The following PTGR2 variants were observed in gnomAD, a reference collection of about 807,000 sequenced individuals.
PTGR2 encodes the protein 15-oxoprostaglandin 13-reductase.
Under a neutral mutation model 43.4 loss-of-function variants are expected in PTGR2, and 32 were observed. The observed-to-expected ratio is 0.74, with a 90% CI of 0.56 to 0.99. The LOEUF is 0.99. PTGR2 is among the 50% of genes least tolerant of loss of function. The pLI, the probability that PTGR2 is intolerant of heterozygous loss-of-function variation, is 0.00. For synonymous variants in PTGR2, 106 were observed against 139.2 expected (o/e 0.76, Z 1.68); for missense variants, 373 against 420.0 (o/e 0.89, Z 0.98).
intron 3 of PTGR2, among the ~76,000 whole-genome samples, chr14:73,862,920 T>C (rs1046824747): frequency 6.6e-6 from 1 of 151,906 alleles, no homozygotes; most frequent in Admixed American, 6.6e-5. Context: ...GTTGCCCAGG[T>C]TGGTCTTGAA....
In PTGR2 at chr14:73,860,548, G is replaced by A. The variant is rs1281970978; in HGVS notation, c.47G>A (p.Gly16Asp). Residue 16 changes from glycine to aspartate, a missense_variant, in exon 3 of 10, where the codon GGT (glycine) becomes GAT (aspartate). By Grantham distance (94) the Gly-to-Asp change is moderately conservative. Transcript: ENST00000555661. ...TTGCATAATATTTTAGGAAAAAATGGTAATCCAGTGGCAGAGAATTTCCGA... is the reference window on the plus strand; with the variant it reads ...TTGCATAATATTTTAGGAAAAAATGATAATCCAGTGGCAGAGAATTTCCGA... The part of the protein sequence containing the change: ...VVLNSRPGKN[G>D]NPVAENFRME... 1 of 1,533,642 alleles carries A rather than the reference G, an allele frequency of 6.5e-7. No individual in the cohort carries two copies. The highest frequency in any genetic ancestry group is 8.9e-7 in the Non-Finnish European group (1 of 1,120,456).
chr14:73,855,644 C>A (rs2054328153), intron 1 of PTGR2, among the ~76,000 whole-genome samples: 1 of 151,080 alleles, frequency 6.6e-6, no homozygotes, highest in African/African-American at 2.4e-5. Context: ...CAGGGTTTCA[C>A]CATGTTGGTC....
intron 4 of PTGR2, among the ~76,000 whole-genome samples, chr14:73,876,116 GC>G (rs1366717219): frequency 6.6e-6 from 1 of 152,030 alleles, no homozygotes; most frequent in Non-Finnish European, 1.5e-5. Context: ...ACCGCACCCG[GC>G]CTTAAAGTTT....
At chr14:73,874,517 C>G in intron 4 of PTGR2, 1 of 488,816 alleles carries the variant, frequency 2.0e-6, no homozygotes, top group Non-Finnish European at 4.0e-6. Context: ...GAATAGGAGA[C>G]TCAAAGGAGG....
At chr14:73,880,921 C>T (rs767003297) in intron 7 of PTGR2, among the ~76,000 whole-genome samples, 8 of 152,240 alleles carry the variant, frequency 5.3e-5, no homozygotes, top group South Asian at 2.1e-4. Context: ...CTCAGCCTCC[C>T]GAGTAGCTGG....
At chr14:73,871,288 A>G (rs1056741876) in intron 3 of PTGR2, among the ~76,000 whole-genome samples, 9 of 147,288 alleles carry the variant, frequency 6.1e-5, no homozygotes, top group African/African-American at 1.0e-4. Flanking sequence ...TGGAAACTCC[A>G]CGCCTTTTCC....
chr14:73,873,754 G>C (rs1950558602), intron 3 of PTGR2, among the ~76,000 whole-genome samples: 2 of 152,018 alleles, frequency 1.3e-5, no homozygotes, highest in Admixed American at 6.6e-5. Flanking sequence ...CTGAGCCACC[G>C]TTCCCAGCCA....
chr14:73,874,638 A>G (rs1020059638), intron 4 of PTGR2: 33 of 455,376 alleles, frequency 7.2e-5, no homozygotes, highest in Non-Finnish European at 1.0e-4. Context: ...GGCTCAAGCA[A>G]TCCTCCCACC....
Position 73,879,146 on chromosome 14 carries a change from T to G in PTGR2, c.570T>G (p.His190Gln). ...CSRVVGICGT[H>Q]EKCILLTSEL... ...GAGTGGTGGGAATTTGTGGAACACA[T>G]GAGAAATGCATCCTCTTGACCTCAG... Residue 190 changes from histidine (H) to glutamine (Q), a missense_variant, in exon 6 of 10, where the codon CAT becomes CAG. His to Gln is a conservative substitution (Grantham distance 24). Coordinates refer to ENST00000555661, the MANE Select transcript of PTGR2 (RefSeq NM_001146154.2). 6.2e-7 allele frequency: 1 copy of G among 1,614,142 alleles called. No individual in the cohort carries two copies. The highest frequency in any genetic ancestry group is 8.5e-7 in the Non-Finnish European group (1 of 1,180,012).
intron 3 of PTGR2, among the ~76,000 whole-genome samples, chr14:73,873,755 T>G (rs2054791358): frequency 1.3e-5 from 2 of 152,140 alleles, no homozygotes; most frequent in Admixed American, 6.6e-5. Flanking sequence ...TGAGCCACCG[T>G]TCCCAGCCAG....
intron 3 of PTGR2, among the ~76,000 whole-genome samples, chr14:73,866,672 G>A (rs984760323): frequency 1.6e-4 from 24 of 152,162 alleles, no homozygotes; most frequent in African/African-American, 5.8e-4. Flanking sequence ...ATTTCTGGGT[G>A]TGTCTGCAAG....
At chr14:73,869,573 C>CA (rs34798468) in intron 3 of PTGR2, among the ~76,000 whole-genome samples, 1,705 of 101,080 alleles carry the variant, frequency 0.017, 17 homozygotes, top group African/African-American at 0.061. Context: ...GACCGTGCCT[C>CA]AAAAAAAAAA....
rs537129419 is a variant in PTGR2, at chr14:73,870,062, T to C, written c.157-3961T>C. Among the ~76,000 whole-genome samples the C allele has an allele frequency of 7.3e-5, 11 of 150,518 alleles. No individual in the cohort carries two copies. The East Asian group carries it at 1.9e-3, about 27-fold the overall frequency. On this transcript the variant is annotated intron_variant, in intron 3 of 9. Transcript: ENST00000555661. Reference sequence around the variant, plus strand: ...AAAAAAAAGAATCAGCTGGGCATGGTGGCTTGGGCCTGTAATTCCAGCTAC... The same window carrying C: ...AAAAAAAAGAATCAGCTGGGCATGGCGGCTTGGGCCTGTAATTCCAGCTAC...
chr14:73,871,094 T>C (rs1159388084), intron 3 of PTGR2, among the ~76,000 whole-genome samples: 2 of 152,202 alleles, frequency 1.3e-5, no homozygotes, highest in African/African-American at 4.8e-5. Context: ...CTTTTATTCC[T>C]ACCACCTTAC....
chr14:73,866,809 C>T (rs116170331), intron 3 of PTGR2, among the ~76,000 whole-genome samples: 206 of 152,086 alleles, frequency 1.4e-3, no homozygotes, highest in African/African-American at 4.7e-3. Context: ...AAGAAGGTTG[C>T]TGGGTGCGGT....
chr14:73,854,391 C>T (rs926119979), intron 1 of PTGR2, among the ~76,000 whole-genome samples: 16 of 152,096 alleles, frequency 1.1e-4, no homozygotes, highest in Non-Finnish European at 1.6e-4. Flanking sequence ...TGTGAGCCAC[C>T]GTGCCCAGCC....
At chr14:73,879,392 T>C in intron 6 of PTGR2, 87 bp downstream of exon 6, 1 of 1,210,450 alleles carries the variant, frequency 8.3e-7, no homozygotes, top group Non-Finnish European at 1.2e-6. Flanking sequence ...AAAAAATTTA[T>C]AAAATTGGAG....
At chr14:73,870,613 A>C (rs897559077) in intron 3 of PTGR2, among the ~76,000 whole-genome samples, 2 of 152,122 alleles carry the variant, frequency 1.3e-5, no homozygotes, top group African/African-American at 2.4e-5. Flanking sequence ...CTTAATGTGC[A>C]TATACAACTT....
chr14:73,865,936 C>T (rs1484782482), intron 3 of PTGR2, among the ~76,000 whole-genome samples: 3 of 152,104 alleles, frequency 2.0e-5, no homozygotes, highest in Non-Finnish European at 4.4e-5. Flanking sequence ...GCTAGTACCT[C>T]GCTCTCTTAA....
Sources: allele counts gnomAD v4.1 joint callset (sites outside exome capture counted in the v4.1 genomes callset), GRCh38; gene constraint gnomAD v4.1.1; transcripts MANE v1.5; gene names NCBI Gene and HGNC (gene_info 2026-07-23, HGNC 2026-07-21).